Variants in TPRG1 observed in about 807,000 individuals in gnomAD.
The protein encoded by TPRG1 is tumor protein p63 regulated 1, also known as tumor protein p63-regulated gene 1 protein.
TPRG1 carries 29 observed loss-of-function variants against 29.3 expected under a neutral mutation model. The observed-to-expected ratio is 0.99, with a 90% CI of 0.74 to 1.35. The LOEUF is 1.35. Ranked by LOEUF, TPRG1 falls within the 40% of genes most tolerant of loss-of-function variation. The probability of loss-of-function intolerance (pLI) is 0.00; values close to 1 mark genes in which losing one functional copy is unlikely to be tolerated. For missense variants in TPRG1, 327 were observed against 335.0 expected (o/e 0.98, Z 0.19); for synonymous variants, 130 against 116.8 (o/e 1.11, Z -0.73).
intron 4 of TPRG1, among the ~76,000 whole-genome samples, chr3:189,088,409 G>T (rs558597017): frequency 6.6e-6 from 1 of 152,164 alleles, no homozygotes; most frequent in African/African-American, 2.4e-5. Flanking sequence ...GGGCTGAGAC[G>T]ATGGGGTTTT....
chr3:189,112,848 T>A (rs1720704412), intron 1 of TPRG1, among the ~76,000 whole-genome samples: 1 of 152,220 alleles, frequency 6.6e-6, no homozygotes, highest in Non-Finnish European at 1.5e-5. Flanking sequence ...AGGTTTGACT[T>A]GGCGTTGCAG....
At chr3:189,194,418 G>A (rs775441120) in intron 1 of TPRG1, among the ~76,000 whole-genome samples, 1 of 152,188 alleles carries the variant, frequency 6.6e-6, no homozygotes, top group African/African-American at 2.4e-5. Context: ...AGCAGCTGTG[G>A]TGCAAAGGTC....
At chr3:189,178,341 C>CA (rs1179629026) in intron 1 of TPRG1, among the ~76,000 whole-genome samples, 1 of 152,022 alleles carries the variant, frequency 6.6e-6, no homozygotes, top group East Asian at 1.9e-4. Context: ...ACAGACTGGC[C>CA]AACATGGCAA....
At chr3:189,260,253 A>G (rs950371806) in intron 4 of TPRG1, among the ~76,000 whole-genome samples, 5 of 152,198 alleles carry the variant, frequency 3.3e-5, no homozygotes, top group Non-Finnish European at 7.3e-5. Flanking sequence ...AACATTTGGT[A>G]TATAGTAAGC....
chr3:189,234,648 G>C (rs750861894), intron 3 of TPRG1, among the ~76,000 whole-genome samples: 12 of 152,214 alleles, frequency 7.9e-5, no homozygotes, highest in Non-Finnish European at 1.5e-4. Context: ...AGGTTGTGCA[G>C]TGCCAGGATA....
At chr3:189,234,645 G>A (rs1739173137) in intron 3 of TPRG1, among the ~76,000 whole-genome samples, 1 of 152,208 alleles carries the variant, frequency 6.6e-6, no homozygotes, top group South Asian at 2.1e-4. Context: ...TATAGGTTGT[G>A]CAGTGCCAGG....
chr3:189,315,844 A>G (rs899435876), intron 5 of TPRG1, among the ~76,000 whole-genome samples: 1 of 152,216 alleles, frequency 6.6e-6, no homozygotes, highest in Non-Finnish European at 1.5e-5. Context: ...GGGAGGAGGC[A>G]GCAAAGACTT....
At chr3:189,074,892 A>G (rs1717048017) in intron 4 of TPRG1, among the ~76,000 whole-genome samples, 1 of 151,500 alleles carries the variant, frequency 6.6e-6, no homozygotes, top group Non-Finnish European at 1.5e-5. Context: ...GCTCACTGCA[A>G]GCTCCGCCTC....
chr3:189,046,934 GACA>G (rs1460673853), intron 4 of TPRG1, among the ~76,000 whole-genome samples: 2 of 151,860 alleles, frequency 1.3e-5, no homozygotes, highest in African/African-American at 4.8e-5. Flanking sequence ...AAAACAAAAC[GACA>G]ACAATGAGTT....
Position 189,249,825 on chromosome 3 carries a change from T to C in TPRG1, c.479+10916T>C, listed in dbSNP as rs950127762. On this transcript the variant is annotated intron_variant, in intron 4 of 5. Coordinates refer to ENST00000345063, the MANE Select transcript of TPRG1 (RefSeq NM_198485.4). ...CCATTTACAAGAACATCCCAGTTCC[T>C]TCACCTTATTTTTCTACTTCTACAT... Among the ~76,000 whole-genome samples, 9 of 152,198 alleles carry C rather than the reference T, an allele frequency of 5.9e-5. 2 individuals carry two copies. The highest frequency in any genetic ancestry group is 5.8e-4 in the East Asian group (3 of 5,170).
intron 1 of TPRG1, among the ~76,000 whole-genome samples, chr3:189,188,675 C>T (rs1731275789): frequency 6.6e-6 from 1 of 152,096 alleles, no homozygotes. Context: ...AAACATTCCT[C>T]CCTCCCTCTT....
chr3:189,028,112 A>T (rs758388422), intron 4 of TPRG1, among the ~76,000 whole-genome samples: 3 of 152,222 alleles, frequency 2.0e-5, no homozygotes, highest in African/African-American at 7.2e-5. Context: ...GGAAACCCAC[A>T]TTCTGGTGAA....
intron 3 of TPRG1, among the ~76,000 whole-genome samples, chr3:189,142,441 C>T (rs1484651869): frequency 6.6e-6 from 1 of 152,130 alleles, no homozygotes; most frequent in African/African-American, 2.4e-5. Context: ...CTAGATCCTA[C>T]CCCCTGCCCC....
intron 3 of TPRG1, among the ~76,000 whole-genome samples, chr3:189,022,813 G>A (rs936364698): frequency 2.6e-5 from 4 of 152,196 alleles, no homozygotes; most frequent in African/African-American, 4.8e-5. Flanking sequence ...AATGGCGGGC[G>A]CCCCTCCCCC....
upstream of TPRG1, among the ~76,000 whole-genome samples, chr3:189,098,935 A>G (rs1015606398): frequency 1.3e-5 from 2 of 152,154 alleles, no homozygotes; most frequent in Non-Finnish European, 2.9e-5. Context: ...GTGGAAAATC[A>G]GAATCTTTGG....
chr3:189,277,280 A>G (rs1716324079), intron 4 of TPRG1, among the ~76,000 whole-genome samples: 2 of 152,186 alleles, frequency 1.3e-5, no homozygotes, highest in African/African-American at 4.8e-5. Context: ...ATCAAGCTAT[A>G]AAGGAGACAC....
At chr3:189,115,593 A>G (rs1455322235) in intron 1 of TPRG1, among the ~76,000 whole-genome samples, 3 of 152,226 alleles carry the variant, frequency 2.0e-5, no homozygotes, top group Non-Finnish European at 4.4e-5. Context: ...GCTCTCTTAC[A>G]CAATATATTC....
chr3:189,216,762 T>A (rs888006856), intron 3 of TPRG1, among the ~76,000 whole-genome samples: 5 of 152,224 alleles, frequency 3.3e-5, no homozygotes, highest in African/African-American at 1.2e-4. Flanking sequence ...AACTCTGCAA[T>A]TCAGGCTTTT....
At chr3:189,124,984 T>C (rs551194749) in intron 1 of TPRG1, among the ~76,000 whole-genome samples, 3 of 152,362 alleles carry the variant, frequency 2.0e-5, no homozygotes, top group African/African-American at 4.8e-5. Flanking sequence ...CTTAAGTGAT[T>C]TACTTTAATC....
Sources: allele counts gnomAD v4.1 joint callset (sites outside exome capture counted in the v4.1 genomes callset), GRCh38; gene constraint gnomAD v4.1.1; transcripts MANE v1.5; gene names NCBI Gene and HGNC (gene_info 2026-07-23, HGNC 2026-07-21).